Variants in CCDC6 observed in about 807,000 individuals in gnomAD.
CCDC6 encodes the protein coiled-coil domain-containing protein 6.
Under a neutral mutation model 56.6 loss-of-function variants are expected in CCDC6, and 20 were observed. The observed-to-expected ratio is 0.35, with a 90% CI of 0.25 to 0.51. CCDC6 has a LOEUF of 0.51. Among genes scored for constraint, CCDC6 ranks in the 20% least tolerant of loss-of-function variants. CCDC6 has a pLI of 0.95. For synonymous variants in CCDC6, 241 were observed against 234.4 expected, an observed-to-expected ratio of 1.03 and a Z score of -0.26; for missense variants, 367 against 601.1, an observed-to-expected ratio of 0.61 and a Z score of 4.07.
intron 1 of CCDC6, among the ~76,000 whole-genome samples, chr10:59,857,579 C>T (rs1384941524): frequency 6.6e-6 from 1 of 152,018 alleles, no homozygotes; most frequent in East Asian, 1.9e-4. Context: ...GAACGGTTCT[C>T]CAAAGCAAGA....
rs771439334 is a variant in CCDC6 at position 59,906,370 on chromosome 10, T to C, written c.55A>G (p.Ser19Gly). Residue 19 changes from serine (S) to glycine (G), a missense_variant, in exon 1 of 9, where the codon AGC becomes GGC. Coordinates refer to ENST00000263102, the MANE Select transcript of CCDC6 (RefSeq NM_005436.5). Reference sequence around the variant, plus strand: ...CAGGACGACTGCATGGCGGCCGAGCTGCTGCTGTTGCCCCCCGCCCCGTCC... The same window carrying C: ...CAGGACGACTGCATGGCGGCCGAGCCGCTGCTGTTGCCCCCCGCCCCGTCC... ...DTDGAGGNSS[S>G]SAAMQSSCSS... is the part of the protein sequence containing the mutation. 7 of 1,593,036 alleles carry C rather than the reference T, an allele frequency of 4.4e-6. No homozygotes were observed. Among genetic ancestry groups the C allele is most frequent in the Non-Finnish European group, 5.9e-6 (7 of 1,177,376 alleles).
intron 3 of CCDC6, among the ~76,000 whole-genome samples, chr10:59,822,810 A>C (rs1404370862): frequency 6.6e-6 from 1 of 152,144 alleles, no homozygotes; most frequent in Admixed American, 6.5e-5. Flanking sequence ...ACCACAGTCC[A>C]AAGTGAGAAC....
intron 6 of CCDC6, chr10:59,804,759 G>T: frequency 2.3e-6 from 1 of 443,118 alleles, no homozygotes; most frequent in Non-Finnish European, 4.2e-6. Context: ...GCTCAGGATG[G>T]AAGCCAGGTG....
At chr10:59,899,558 C>T (rs1359178830) in intron 1 of CCDC6, among the ~76,000 whole-genome samples, 1 of 152,188 alleles carries the variant, frequency 6.6e-6, no homozygotes, top group African/African-American at 2.4e-5. Context: ...GATGCTTCCC[C>T]CATCACTGCT....
chr10:59,830,399 C>T (rs1274458917), intron 3 of CCDC6, among the ~76,000 whole-genome samples: 1 of 152,016 alleles, frequency 6.6e-6, no homozygotes, highest in Non-Finnish European at 1.5e-5. Flanking sequence ...GAGGGAAAAA[C>T]CAAACATGCC....
chr10:59,905,800 GC>G (rs1184903173), intron 1 of CCDC6, among the ~76,000 whole-genome samples: 2 of 152,030 alleles, frequency 1.3e-5, no homozygotes, highest in African/African-American at 4.8e-5. Flanking sequence ...GTCCTACCCC[GC>G]CCCCCAGCCA....
At chr10:59,826,835 G>T (rs1026191062) in intron 3 of CCDC6, among the ~76,000 whole-genome samples, 6 of 152,208 alleles carry the variant, frequency 3.9e-5, no homozygotes, top group African/African-American at 1.4e-4. Flanking sequence ...AATGGGTAGG[G>T]CAAAGGGCAA....
intron 1 of CCDC6, among the ~76,000 whole-genome samples, chr10:59,874,564 T>C (rs571486838): frequency 1.7e-4 from 26 of 152,296 alleles, no homozygotes; most frequent in African/African-American, 5.8e-4. Context: ...CTGTCTACAT[T>C]TGAATCCCCA....
At chr10:59,895,776 A>C (rs1487477823) in intron 1 of CCDC6, among the ~76,000 whole-genome samples, 2 of 152,176 alleles carry the variant, frequency 1.3e-5, no homozygotes. Context: ...CATGCCTGAT[A>C]AGAGTGTCTT....
At chr10:59,869,462 CA>C (rs2071209374) in intron 1 of CCDC6, among the ~76,000 whole-genome samples, 1 of 55,516 alleles carries the variant, frequency 1.8e-5, no homozygotes, top group East Asian at 6.3e-4. Context: ...AACAAACAAA[CA>C]AAAAAACCAG....
At chr10:59,863,530 T>C (rs920100388) in intron 1 of CCDC6, among the ~76,000 whole-genome samples, 5 of 152,166 alleles carry the variant, frequency 3.3e-5, no homozygotes, top group South Asian at 2.1e-4. Context: ...ACAGAAAGAT[T>C]TGTGGTTGTG....
intron 1 of CCDC6, among the ~76,000 whole-genome samples, chr10:59,900,291 A>C (rs1485818418): frequency 6.6e-6 from 1 of 152,188 alleles, no homozygotes; most frequent in African/African-American, 2.4e-5. Context: ...ACAAAGAGGA[A>C]GTATCAGGGC....
rs1564755752 is a variant in CCDC6, at chr10:59,882,003, T to TGGGGAGAAGGAAAGGAAAGCCAG, written c.303+24118_303+24119insCTGGCTTTCCTTTCCTTCTCCCC. ...AAGGAGAGGGAGGGAGAAGGAAAGC[T>TGGGGAGAAGGAAAGGAAAGCCAG]GGGGAGAAGGAAAGGAAAGCCGCGG... On this transcript the variant is annotated intron_variant, in intron 1 of 8. Coordinates refer to ENST00000263102, the MANE Select transcript of CCDC6 (RefSeq NM_005436.5). Among the ~76,000 whole-genome samples the TGGGGAGAAGGAAAGGAAAGCCAG allele has an allele frequency of 1.1e-3, 99 of 88,872 alleles. 11 individuals are homozygous for TGGGGAGAAGGAAAGGAAAGCCAG. The highest frequency in any genetic ancestry group is 1.9e-3 in the African/African-American group (42 of 21,934). The allele number at this position is 88,872 out of a possible 152,430, so 58.3% of individuals were successfully genotyped here.
chr10:59,843,195 A>C (rs1480243778), intron 2 of CCDC6, among the ~76,000 whole-genome samples: 1 of 152,192 alleles, frequency 6.6e-6, no homozygotes, highest in Non-Finnish European at 1.5e-5. Context: ...CAGAAGACAA[A>C]TTACTTTATC....
chr10:59,812,867 G>T (rs1269103259), intron 4 of CCDC6, 72 bp from the exon 5 acceptor site: 17 of 1,170,410 alleles, frequency 1.5e-5, no homozygotes, highest in Non-Finnish European at 2.0e-5. Context: ...ATACTAGCTG[G>T]CAGGTTTGTT....
intron 1 of CCDC6, among the ~76,000 whole-genome samples, chr10:59,871,466 A>C: frequency 1.1e-5 from 1 of 90,662 alleles, no homozygotes; most frequent in South Asian, 4.3e-4. Context: ...CCTAATACTC[A>C]TTAAAAAAAA....
At position 59,832,405 on chromosome 10, in the gene CCDC6, CA is replaced by C. The variant is rs2070842133; in HGVS notation, c.582+119del. The C allele has an allele frequency of 2.0e-5, 17 of 837,912 alleles. No homozygotes were observed. The South Asian group carries it at 3.1e-4, about 15-fold the overall frequency. 51.9% of individuals were successfully genotyped at this position (837,912 alleles called of 1,614,324 possible). On this transcript the variant is annotated intron_variant, in intron 3 of 8. Coordinates refer to ENST00000263102, the MANE Select transcript of CCDC6 (RefSeq NM_005436.5). ...GCTCACTTTAGAAATGAAGTCTCCACAGTGGGGAGAGAAAGCTGAAAACTAC... is the reference window on the plus strand; with the variant it reads ...GCTCACTTTAGAAATGAAGTCTCCACGTGGGGAGAGAAAGCTGAAAACTAC...
intron 1 of CCDC6, among the ~76,000 whole-genome samples, chr10:59,901,830 C>G (rs2071505371): frequency 6.6e-6 from 1 of 152,162 alleles, no homozygotes; most frequent in Admixed American, 6.5e-5. Flanking sequence ...CCTCACTACA[C>G]TGAATCATAT....
intron 1 of CCDC6, among the ~76,000 whole-genome samples, chr10:59,861,227 T>C (rs954107254): frequency 1.3e-5 from 2 of 151,666 alleles, no homozygotes; most frequent in African/African-American, 4.8e-5. Context: ...GGTGCGGTGG[T>C]GTGTGCTTGT....
Sources: allele counts gnomAD v4.1 joint callset (sites outside exome capture counted in the v4.1 genomes callset), GRCh38; gene constraint gnomAD v4.1.1; transcripts MANE v1.5; gene names NCBI Gene and HGNC (gene_info 2026-07-23, HGNC 2026-07-21).